The following GALNT13 variants were observed in gnomAD, a reference collection of about 807,000 sequenced individuals.
GALNT13 encodes UDP-GalNAc:polypeptide N-acetylgalactosaminyltransferase 13.
A neutral mutation model predicts 64.2 loss-of-function variants in GALNT13; 28 were observed. That is an observed-to-expected ratio of 0.44 (90% confidence interval 0.32 to 0.60). The LOEUF is 0.60. Among genes scored for constraint, GALNT13 ranks in the 20% least tolerant of loss-of-function variants. The pLI is 0.05. For synonymous variants in GALNT13, 214 were observed against 224.6 expected, an observed-to-expected ratio of 0.95 and a Z score of 0.42; for missense variants, 577 against 669.8, an observed-to-expected ratio of 0.86 and a Z score of 1.53.
chr2:153,668,837 G>A, the GALNT13 span, among the ~76,000 whole-genome samples: 1 of 152,186 alleles, frequency 6.6e-6, no homozygotes, highest in Non-Finnish European at 1.5e-5. Context: ...GCTGTCCAGA[G>A]GCCTGAGGGT....
intron 3 of GALNT13, among the ~76,000 whole-genome samples, chr2:154,074,088 GTTAAA>G (rs1262328856): frequency 6.6e-6 from 1 of 151,726 alleles, no homozygotes; most frequent in Non-Finnish European, 1.5e-5. Context: ...AAATTATACT[GTTAAA>G]TTTAATACAA....
chr2:153,280,315 A>T, the GALNT13 span, among the ~76,000 whole-genome samples: 2 of 152,104 alleles, frequency 1.3e-5, no homozygotes, highest in African/African-American at 4.8e-5. Context: ...TCAAAAAACC[A>T]ACTTTTTGGT....
chr2:154,427,631 T>A (rs979518165), intron 11 of GALNT13, among the ~76,000 whole-genome samples: 3 of 152,212 alleles, frequency 2.0e-5, no homozygotes, highest in African/African-American at 7.2e-5. Flanking sequence ...ATACTGAACA[T>A]AAGATGCATA....
At chr2:153,795,340 T>C in the GALNT13 span, among the ~76,000 whole-genome samples, 1 of 152,118 alleles carries the variant, frequency 6.6e-6, no homozygotes, top group Non-Finnish European at 1.5e-5. Context: ...TTGACTAAGG[T>C]AGTGGAAAAT....
the GALNT13 span, among the ~76,000 whole-genome samples, chr2:153,402,929 G>A: frequency 2.6e-5 from 4 of 152,182 alleles, no homozygotes; most frequent in East Asian, 3.9e-4. Flanking sequence ...CTCTCAGCTC[G>A]TCAAAGTCAT....
the GALNT13 span, among the ~76,000 whole-genome samples, chr2:153,861,850 A>G: frequency 6.6e-6 from 1 of 152,124 alleles, no homozygotes; most frequent in African/African-American, 2.4e-5. Context: ...AAGCACTGGG[A>G]TTACAGGCAT....
chr2:153,378,392 T>G, the GALNT13 span, among the ~76,000 whole-genome samples: 2 of 152,158 alleles, frequency 1.3e-5, no homozygotes, highest in African/African-American at 2.4e-5. Context: ...TAAATGTATT[T>G]GGAACATACA....
intron 9 of GALNT13, among the ~76,000 whole-genome samples, chr2:154,328,342 A>C (rs894123911): frequency 6.6e-6 from 1 of 152,048 alleles, no homozygotes; most frequent in Non-Finnish European, 1.5e-5. Context: ...TTTGCTCAAC[A>C]TTGTTTTTGA....
At chr2:154,309,188 G>A (rs936288955) in intron 9 of GALNT13, among the ~76,000 whole-genome samples, 5 of 152,138 alleles carry the variant, frequency 3.3e-5, no homozygotes, top group African/African-American at 1.2e-4. Context: ...ACATTTTCAA[G>A]AATTAATATG....
At chr2:153,678,914 AAAC>A in the GALNT13 span, among the ~76,000 whole-genome samples, 2 of 151,982 alleles carry the variant, frequency 1.3e-5, no homozygotes, top group African/African-American at 4.8e-5. Flanking sequence ...AGGCCACAAA[AAAC>A]AATAATTGTT....
the GALNT13 span, among the ~76,000 whole-genome samples, chr2:153,580,381 C>T: frequency 5.3e-5 from 8 of 152,074 alleles, no homozygotes; most frequent in Non-Finnish European, 1.0e-4. Context: ...CATGTCATCT[C>T]GTTTCCAGCT....
At chr2:154,002,068 A>C (rs904069938) in intron 3 of GALNT13, among the ~76,000 whole-genome samples, 2 of 152,000 alleles carry the variant, frequency 1.3e-5, no homozygotes, top group South Asian at 4.2e-4. Context: ...TGTATTTGGT[A>C]TACTTCTTTT....
intron 4 of GALNT13, among the ~76,000 whole-genome samples, chr2:154,143,634 G>T (rs1353574987): frequency 6.6e-6 from 1 of 151,408 alleles, no homozygotes; most frequent in Non-Finnish European, 1.5e-5. Context: ...GCTGAGGCGG[G>T]CAGATCACCT....
At chr2:153,334,173 A>G in the GALNT13 span, among the ~76,000 whole-genome samples, 1 of 152,238 alleles carries the variant, frequency 6.6e-6, no homozygotes, top group Non-Finnish European at 1.5e-5. Flanking sequence ...GATGACCTCA[A>G]GTAAACCTAT....
Position 154,324,437 on chromosome 2 carries a change from T to C in GALNT13, c.1156+22848T>C, listed in dbSNP as rs1479284434. Among the ~76,000 whole-genome samples, 3 of 152,152 alleles carry C rather than the reference T, an allele frequency of 2.0e-5. No homozygotes were observed. The East Asian group carries it at 5.8e-4, about 29-fold the overall frequency. On this transcript the variant is annotated intron_variant, in intron 9 of 12. Coordinates refer to ENST00000392825, the MANE Select transcript of GALNT13 (RefSeq NM_052917.4). ...CAATACAACATGTGATGATTTCGTA[T>C]ATTTATATTGTGATATATTTAACTT...
At chr2:153,402,715 C>A in the GALNT13 span, among the ~76,000 whole-genome samples, 3 of 152,172 alleles carry the variant, frequency 2.0e-5, no homozygotes, top group Admixed American at 6.5e-5. Flanking sequence ...TCCTGTTGAT[C>A]GCATTGGCTC....
chr2:153,236,750 A>G, the GALNT13 span, among the ~76,000 whole-genome samples: 1 of 152,088 alleles, frequency 6.6e-6, no homozygotes, highest in Non-Finnish European at 1.5e-5. Flanking sequence ...AAGGAGATCA[A>G]TGTGTTTCTT....
At chr2:153,483,410 C>CTTTTTT in the GALNT13 span, among the ~76,000 whole-genome samples, 38 of 71,788 alleles carry the variant, frequency 5.3e-4, no homozygotes, top group East Asian at 1.7e-3. Context: ...GAATAAAATT[C>CTTTTTT]TTTTTTTTTT....
At chr2:153,146,656 C>A in the GALNT13 span, among the ~76,000 whole-genome samples, 1 of 151,840 alleles carries the variant, frequency 6.6e-6, no homozygotes, top group South Asian at 2.1e-4. Flanking sequence ...CTTCTTGAAT[C>A]AGAGAGGCTT....
Sources: gnomAD v4.1 joint callset for allele counts (sites outside exome capture counted in the v4.1 genomes callset) on GRCh38, gnomAD v4.1.1 for gene constraint, MANE v1.5 for transcripts, NCBI Gene and HGNC (gene_info 2026-07-23, HGNC 2026-07-21) for gene names.